Variants in PAK2 observed in about 807,000 individuals in gnomAD.
PAK2 encodes serine/threonine-protein kinase PAK 2.
In PAK2, 21 loss-of-function variants were observed where a neutral mutation model predicts 65.9. The ratio of observed to expected loss-of-function variants is 0.32; its 90% CI spans 0.23 to 0.46. PAK2 has a LOEUF of 0.46. Ranked by LOEUF, PAK2 falls within the 20% of genes least tolerant of loss-of-function variation. The pLI is 1.00. For synonymous variants in PAK2, 204 were observed against 219.7 expected, an observed-to-expected ratio of 0.93 and a Z score of 0.63; for missense variants, 324 against 642.6, an observed-to-expected ratio of 0.50 and a Z score of 5.36.
rs1278333432 is a variant in PAK2, at chr3:196,828,384, A to G, written c.1554A>G (p.Glu518=). The part of the protein sequence containing the change: ...SLTPLIMAAK[E]AMKSNR ...CACCACTGATCATGGCAGCTAAAGA[A>G]GCAATGAAGAGTAACCGTTAACATC... Residue 518 remains glutamate, a synonymous_variant, in exon 15 of 15, where the codon GAA becomes GAG. Transcript: ENST00000327134. The G allele has an allele frequency of 6.2e-7, 1 of 1,604,218 alleles. No homozygotes were observed.
rs369343784 is a variant in PAK2 at position 196,812,817 on chromosome 3, T to C, written c.901T>C (p.Leu301=). The C allele has an allele frequency of 1.3e-6, 2 of 1,556,556 alleles. No individual in the cohort carries two copies. The highest frequency in any genetic ancestry group is 1.4e-5 in the African/African-American group (1 of 73,786). ...IINEILVMKE[L]KNPNIVNFLD... is the part of the protein sequence containing the mutation. ...TAACGAGATTCTGGTGATGAAAGAA[T>C]TGAAAAATCCCAACATCGTTAACTT... Residue 301 remains leucine, a synonymous_variant, in exon 10 of 15, where the codon TTG becomes CTG. Coordinates refer to ENST00000327134, the MANE Select transcript of PAK2 (RefSeq NM_002577.4).
chr3:196,804,498 T>C (rs1463959543), intron 4 of PAK2, among the ~76,000 whole-genome samples: 1 of 152,088 alleles, frequency 6.6e-6, no homozygotes, highest in East Asian at 1.9e-4. Flanking sequence ...AGCTGGAGTT[T>C]ACTCTGTTGC....
chr3:196,826,024 G>A (rs1465209469), intron 13 of PAK2, among the ~76,000 whole-genome samples: 1 of 132,674 alleles, frequency 7.5e-6, no homozygotes, highest in Non-Finnish European at 1.6e-5. Context: ...TTTTTTTTTT[G>A]TATTTTTAGT....
At chr3:196,808,161 T>C (rs1420463405) in intron 7 of PAK2, 4 of 292,686 alleles carry the variant, frequency 1.4e-5, no homozygotes, top group East Asian at 8.1e-5. Flanking sequence ...CTACTAAAAA[T>C]ACAAAAATTA....
At position 196,772,747 on chromosome 3, in the gene PAK2, T is replaced by C. The variant is rs558340522; in HGVS notation, c.-21-9879T>C. On this transcript the variant is annotated intron_variant, in intron 1 of 14. Transcript: ENST00000327134. The stretch of plus-strand genomic sequence containing the variant: ...TGCTCTCAAAGACATCTGAGGCTCT[T>C]TTGTGTTTTTGACGGGGCAGGTGGG... 2.0e-5 allele frequency among the ~76,000 whole-genome samples: 3 copies of C among 152,190 alleles called. No individual in the cohort carries two copies. In the South Asian group the frequency reaches 6.2e-4, roughly 32 times the overall value.
intron 13 of PAK2, among the ~76,000 whole-genome samples, chr3:196,825,922 C>A (rs538973400): frequency 6.6e-6 from 1 of 152,108 alleles, no homozygotes; most frequent in Admixed American, 6.6e-5. Context: ...TGGCTCACTG[C>A]AACCTCCACC....
chr3:196,786,021 C>T (rs900424242), intron 2 of PAK2, among the ~76,000 whole-genome samples: 1 of 152,124 alleles, frequency 6.6e-6, no homozygotes, highest in African/African-American at 2.4e-5. Context: ...AATAAACATT[C>T]CTTGTAGTCT....
chr3:196,810,254 T>A (rs115793121), intron 7 of PAK2, among the ~76,000 whole-genome samples: 1,564 of 152,168 alleles, frequency 0.01, 23 homozygotes, highest in African/African-American at 0.036. Flanking sequence ...TCTGAGAACC[T>A]AATTAATCTC....
At chr3:196,751,174 G>A (rs78040280) in intron 1 of PAK2, among the ~76,000 whole-genome samples, 2 of 152,026 alleles carry the variant, frequency 1.3e-5, no homozygotes, top group African/African-American at 2.4e-5. Context: ...TTCATGTAGC[G>A]CAGTATTTTC....
At chr3:196,740,747 TCTC>T (rs973413884) in intron 1 of PAK2, among the ~76,000 whole-genome samples, 1 of 152,182 alleles carries the variant, frequency 6.6e-6, no homozygotes, top group African/African-American at 2.4e-5. Flanking sequence ...TTTCGGAGCT[TCTC>T]CTCGCTCCTG....
intron 2 of PAK2, among the ~76,000 whole-genome samples, chr3:196,793,381 G>A (rs1392834827): frequency 6.6e-6 from 1 of 152,118 alleles, no homozygotes; most frequent in African/African-American, 2.4e-5. Context: ...TCAGACAGGA[G>A]ATTGGAAGAT....
intron 8 of PAK2, among the ~76,000 whole-genome samples, chr3:196,811,297 C>CTTCCT (rs1489555858): frequency 2.6e-5 from 1 of 38,534 alleles, no homozygotes; most frequent in Non-Finnish European, 5.2e-5. Flanking sequence ...CCTTCCCTCC[C>CTTCCT]TCCCTTCCTT....
chr3:196,821,614 C>T (rs1352338949), intron 13 of PAK2, among the ~76,000 whole-genome samples: 8 of 150,696 alleles, frequency 5.3e-5, no homozygotes, highest in African/African-American at 1.2e-4. Flanking sequence ...ACCCAGGAGG[C>T]GGAGGTTGCA....
intron 1 of PAK2, among the ~76,000 whole-genome samples, chr3:196,772,213 C>T (rs1040029670): frequency 6.6e-6 from 1 of 152,106 alleles, no homozygotes; most frequent in Admixed American, 6.6e-5. Context: ...CTTTTTCAGG[C>T]CTAGCCTTAT....
intron 1 of PAK2, among the ~76,000 whole-genome samples, chr3:196,744,723 C>CATATAG (rs1306540259): frequency 1.3e-5 from 2 of 152,110 alleles, no homozygotes; most frequent in Non-Finnish European, 2.9e-5. Context: ...CATATCATGA[C>CATATAG]ATATAGTGGC....
chr3:196,802,569 G>A (rs944991194), intron 3 of PAK2, among the ~76,000 whole-genome samples: 1 of 152,148 alleles, frequency 6.6e-6, no homozygotes, highest in Non-Finnish European at 1.5e-5. Context: ...TAGGCCGGGC[G>A]CGGTGGCTCA....
At chr3:196,809,388 C>T (rs1715700257) in intron 7 of PAK2, among the ~76,000 whole-genome samples, 1 of 105,834 alleles carries the variant, frequency 9.4e-6, no homozygotes, top group Non-Finnish European at 1.7e-5. Context: ...CTCGCTCTGT[C>T]ACCCAGGCTG....
chr3:196,812,953 C>A, intron 10 of PAK2, 102 bp downstream of exon 10: 19 of 596,520 alleles, frequency 3.2e-5, no homozygotes, highest in Non-Finnish European at 4.6e-5. Context: ...CTGTCAGTGC[C>A]GAGAAATAAG....
intron 1 of PAK2, among the ~76,000 whole-genome samples, chr3:196,759,488 G>GT (rs1560092714): frequency 1.1e-4 from 12 of 111,112 alleles, no homozygotes; most frequent in Admixed American, 3.0e-4. Context: ...ACAGTTAAGT[G>GT]GTTTTTTTTG....
Sources: gnomAD v4.1 joint callset for allele counts (sites outside exome capture counted in the v4.1 genomes callset) on GRCh38, gnomAD v4.1.1 for gene constraint, MANE v1.5 for transcripts, NCBI Gene and HGNC (gene_info 2026-07-23, HGNC 2026-07-21) for gene names.